MIB1: variants seen among roughly 807,000 people sequenced by gnomAD.
MIB1 encodes the protein E3 ubiquitin-protein ligase MIB1.
MIB1 carries 278 observed loss-of-function variants against 124.5 expected under a neutral mutation model. The ratio of observed to expected loss-of-function variants is 2.23; its 90% CI spans 2.02 to 2.47. The LOEUF (loss-of-function observed/expected upper bound fraction) is 2.47, where lower values mean the gene tolerates loss of function less well. Ranked by LOEUF, MIB1 falls within the 30% of genes most tolerant of loss-of-function variation. The pLI is 0.00. For missense variants in MIB1, 957 were observed against 1,254.4 expected, an observed-to-expected ratio of 0.76 and a Z score of 3.58; for synonymous variants, 446 against 429.4, an observed-to-expected ratio of 1.04 and a Z score of -0.48.
intron 9 of MIB1, 47 bp downstream of exon 9, chr18:21,800,021 T>A: frequency 1.3e-6 from 2 of 1,501,612 alleles, no homozygotes; most frequent in Non-Finnish European, 1.8e-6. Context: ...AGTAGAATAG[T>A]ATAATGAACC....
intron 1 of MIB1, among the ~76,000 whole-genome samples, chr18:21,705,742 C>G (rs1824272003): frequency 6.6e-6 from 1 of 152,098 alleles, no homozygotes; most frequent in Non-Finnish European, 1.5e-5. Flanking sequence ...TTATTTGGCT[C>G]CGATTTGGTC....
At chr18:21,753,369 G>A (rs1163434521) in intron 1 of MIB1, among the ~76,000 whole-genome samples, 1 of 151,844 alleles carries the variant, frequency 6.6e-6, no homozygotes, top group East Asian at 1.9e-4. Context: ...TGTATTTTTA[G>A]TAGAGACGGG....
At position 21,773,695 on chromosome 18, in the gene MIB1, T is replaced by C; in HGVS notation, c.603T>C (p.Ala201=). 6.2e-7 allele frequency: 1 copy of C among 1,607,700 alleles called. No individual in the cohort carries two copies. Reference sequence around the variant, plus strand: ...CATATGTCCTCTGGGATAATGGTGCTAAGAACCTTTACAGAGTTGGCTTTG... The same window carrying C: ...CATATGTCCTCTGGGATAATGGTGCCAAGAACCTTTACAGAGTTGGCTTTG... ...SAAYVLWDNG[A]KNLYRVGFEG... is the part of the protein sequence containing the mutation. The change falls in exon 4 of 21, where the codon GCT becomes GCC. Residue 201 remains alanine, a synonymous_variant. Coordinates refer to ENST00000261537, the MANE Select transcript of MIB1 (RefSeq NM_020774.4).
intron 12 of MIB1, among the ~76,000 whole-genome samples, chr18:21,821,817 G>T (rs1248962931): frequency 6.6e-6 from 1 of 151,982 alleles, no homozygotes; most frequent in African/African-American, 2.4e-5. Context: ...TAGCCAGGAT[G>T]GTCTCGATCT....
chr18:21,802,356 T>A (rs1385224658), intron 9 of MIB1, among the ~76,000 whole-genome samples: 1 of 152,158 alleles, frequency 6.6e-6, no homozygotes, highest in East Asian at 1.9e-4. Context: ...CTTGGACTAT[T>A]CATCGAATTT....
chr18:21,860,316 G>A (rs1038521358), intron 20 of MIB1, among the ~76,000 whole-genome samples: 3 of 131,246 alleles, frequency 2.3e-5, no homozygotes, highest in African/African-American at 8.7e-5. Flanking sequence ...TTCCAGGCTG[G>A]TCTTGAACTT....
intron 12 of MIB1, chr18:21,827,158 T>A (rs755956456): frequency 2.6e-5 from 4 of 152,014 alleles, no homozygotes; most frequent in African/African-American, 4.8e-5. Context: ...AGGGAGACAG[T>A]TGAAATGTTT....
At chr18:21,737,242 A>G (rs1196649821), upstream of MIB1, among the ~76,000 whole-genome samples, 5 of 152,224 alleles carry the variant, frequency 3.3e-5, no homozygotes, top group African/African-American at 4.8e-5. Flanking sequence ...ATTCTTAAAG[A>G]AAAGAATTTT....
intron 9 of MIB1, 28 bp downstream of exon 9, chr18:21,800,002 C>T: frequency 6.3e-7 from 1 of 1,594,412 alleles, no homozygotes; most frequent in Non-Finnish European, 8.6e-7. Context: ...TATTTTGAAG[C>T]ATACAAAAAG....
At chr18:21,811,529 T>C (rs2041773431) in intron 10 of MIB1, among the ~76,000 whole-genome samples, 1 of 152,156 alleles carries the variant, frequency 6.6e-6, no homozygotes, top group African/African-American at 2.4e-5. Flanking sequence ...TGGTAGATCA[T>C]TAAACTTAAA....
rs1251551457 is a variant in MIB1 at position 21,868,506 on chromosome 18, G to T, written c.*3840G>T. ...TGTTATTTCATTTTGAGCCAGAGGG[G>T]AGAGGCACATTTTAAATATCAGAAT... On this transcript the variant is annotated 3_prime_UTR_variant, in exon 21 of 21. Coordinates refer to ENST00000261537, the MANE Select transcript of MIB1 (RefSeq NM_020774.4). 3.3e-5 allele frequency: 5 copies of T among 152,390 alleles called. No homozygotes were observed. The highest frequency in any genetic ancestry group is 5.9e-5 in the Non-Finnish European group (4 of 67,884). The allele number at this position is 152,390 out of a possible 1,614,324, so 9.4% of individuals were successfully genotyped here.
intron 20 of MIB1, 75 bp from the exon 21 acceptor site, chr18:21,864,451 T>A: frequency 8.6e-7 from 1 of 1,158,796 alleles, no homozygotes; most frequent in Non-Finnish European, 1.2e-6. Flanking sequence ...CTAAAGAAAA[T>A]TAATGATATA....
intron 15 of MIB1, among the ~76,000 whole-genome samples, chr18:21,846,524 C>CT (rs778393979): frequency 6.6e-6 from 1 of 152,160 alleles, no homozygotes; most frequent in Non-Finnish European, 1.5e-5. Flanking sequence ...TCTCAGTTGT[C>CT]TCTCCTGTCA....
At chr18:21,780,244 A>G (rs1207438961) in intron 6 of MIB1, among the ~76,000 whole-genome samples, 1 of 152,202 alleles carries the variant, frequency 6.6e-6, no homozygotes, top group Non-Finnish European at 1.5e-5. Flanking sequence ...TTACATTGGG[A>G]ACATTCCAGT....
At chr18:21,766,766 G>A (rs969838655) in intron 2 of MIB1, among the ~76,000 whole-genome samples, 1 of 152,034 alleles carries the variant, frequency 6.6e-6, no homozygotes, top group Non-Finnish European at 1.5e-5. Context: ...AGGCTGGGCG[G>A]GTGGCTCATG....
intron 1 of MIB1, among the ~76,000 whole-genome samples, chr18:21,749,127 G>A (rs2040945266): frequency 6.6e-6 from 1 of 151,804 alleles, no homozygotes. Context: ...CACTTGACGT[G>A]TGTTTTCTGT....
intron 10 of MIB1, among the ~76,000 whole-genome samples, chr18:21,810,943 G>A (rs1598622311): frequency 6.6e-6 from 1 of 151,934 alleles, no homozygotes; most frequent in Non-Finnish European, 1.5e-5. Flanking sequence ...GAGAGAAAAA[G>A]CAGCCTATGA....
intron 1 of MIB1, among the ~76,000 whole-genome samples, chr18:21,753,909 C>T (rs931643277): frequency 6.6e-6 from 1 of 152,140 alleles, no homozygotes; most frequent in African/African-American, 2.4e-5. Context: ...AACTCCTGAC[C>T]TCAGGTGATC....
intron 7 of MIB1, among the ~76,000 whole-genome samples, chr18:21,797,262 A>T (rs1011794527): frequency 6.6e-6 from 1 of 152,162 alleles, no homozygotes; most frequent in Non-Finnish European, 1.5e-5. Flanking sequence ...TGAGCTGATA[A>T]TTGTTACAAA....
Sources: gnomAD v4.1 joint callset for allele counts (sites outside exome capture counted in the v4.1 genomes callset) on GRCh38, gnomAD v4.1.1 for gene constraint, MANE v1.5 for transcripts, NCBI Gene and HGNC (gene_info 2026-07-23, HGNC 2026-07-21) for gene names.